Variants in EPHA6 observed in about 807,000 individuals in gnomAD.
EPHA6 encodes EPH receptor A6.
Under a neutral mutation model 112.0 loss-of-function variants are expected in EPHA6, and 50 were observed. That is an observed-to-expected ratio of 0.45 (90% confidence interval 0.36 to 0.56). EPHA6 has a LOEUF of 0.56. Ranked by LOEUF, EPHA6 falls within the 20% of genes least tolerant of loss-of-function variation. EPHA6 has a pLI of 0.00. For missense variants in EPHA6, 1,280 were observed against 1,417.4 expected (o/e 0.90, Z 1.56); for synonymous variants, 529 against 490.7 (o/e 1.08, Z -1.03).
At chr3:97,095,056 A>G (rs187170814) in intron 3 of EPHA6, among the ~76,000 whole-genome samples, 3 of 152,246 alleles carry the variant, frequency 2.0e-5, no homozygotes, top group African/African-American at 4.8e-5. Context: ...TAAAAATTGA[A>G]TAAGAGAAAA....
At chr3:97,680,755 C>A (rs2031798425) in intron 14 of EPHA6, among the ~76,000 whole-genome samples, 1 of 152,090 alleles carries the variant, frequency 6.6e-6, no homozygotes, top group Non-Finnish European at 1.5e-5. Flanking sequence ...GAATGAAGAA[C>A]AAATGAATGT....
chr3:97,045,278 C>T (rs2045465506), intron 3 of EPHA6, among the ~76,000 whole-genome samples: 1 of 151,796 alleles, frequency 6.6e-6, no homozygotes, highest in Non-Finnish European at 1.5e-5. Context: ...TATTTTGTAT[C>T]ATTATATAGT....
At chr3:97,013,877 TTTGGCA>T (rs2044174807) in intron 3 of EPHA6, among the ~76,000 whole-genome samples, 1 of 152,130 alleles carries the variant, frequency 6.6e-6, no homozygotes, top group South Asian at 2.1e-4. Flanking sequence ...TGTTTTTGTT[TTTGGCA>T]TGGGTCTTCA....
chr3:97,580,790 G>C (rs1348637358), intron 11 of EPHA6, among the ~76,000 whole-genome samples: 1 of 152,200 alleles, frequency 6.6e-6, no homozygotes, highest in African/African-American at 2.4e-5. Flanking sequence ...ATACGCCTCA[G>C]TGGCATCCAG....
intron 2 of EPHA6, among the ~76,000 whole-genome samples, chr3:96,925,176 G>A (rs2039969597): frequency 6.6e-6 from 1 of 152,102 alleles, no homozygotes; most frequent in Non-Finnish European, 1.5e-5. Context: ...GAGTCAGGGA[G>A]GAGTCCCTCC....
At chr3:97,312,472 G>T (rs928948835) in intron 5 of EPHA6, among the ~76,000 whole-genome samples, 2 of 151,446 alleles carry the variant, frequency 1.3e-5, no homozygotes, top group Admixed American at 1.3e-4. Context: ...CAAAGAAAAT[G>T]CACTGGAACA....
chr3:96,987,325 TGCAGTGGGA>T lies in EPHA6; in HGVS notation c.451-4_455del, dbSNP rs1576260065. On this transcript the variant is annotated splice_acceptor_variant and splice_polypyrimidine_tract_variant and coding_sequence_variant and intron_variant, in exon 3 of 18. Coordinates refer to ENST00000389672, the MANE Select transcript of EPHA6 (RefSeq NM_001080448.3). LOFTEE classifies it high-confidence loss of function. Reference sequence around the variant, plus strand: ...TCACTTAATTACTTTTTTCCCTTTTTGCAGTGGGATGCCATCACTGAAATGGATGAACAT... The same window carrying T: ...TCACTTAATTACTTTTTTCCCTTTTTTGCCATCACTGAAATGGATGAACAT... 6.3e-6 allele frequency: 10 copies of T among 1,580,490 alleles called. No individual in the cohort carries two copies. Among genetic ancestry groups the T allele is most frequent in the Middle Eastern group, 1.7e-4 (1 of 5,888 alleles).
chr3:97,391,834 T>G (rs1201792001), intron 5 of EPHA6, among the ~76,000 whole-genome samples: 1 of 151,934 alleles, frequency 6.6e-6, no homozygotes, highest in African/African-American at 2.4e-5. Context: ...ATGGGAACTC[T>G]CTTCTAAAAT....
intron 3 of EPHA6, among the ~76,000 whole-genome samples, chr3:97,079,367 A>G (rs1274367780): frequency 6.6e-6 from 1 of 152,106 alleles, no homozygotes; most frequent in Non-Finnish European, 1.5e-5. Flanking sequence ...CAAATACCAC[A>G]TGTTCTCTCT....
intron 3 of EPHA6, among the ~76,000 whole-genome samples, chr3:97,104,744 A>G (rs1163987052): frequency 6.6e-6 from 1 of 152,122 alleles, no homozygotes; most frequent in Non-Finnish European, 1.5e-5. Flanking sequence ...TACATCAGGT[A>G]GAATCCAGCT....
At chr3:97,145,970 C>A (rs893379169) in intron 3 of EPHA6, among the ~76,000 whole-genome samples, 4 of 151,076 alleles carry the variant, frequency 2.6e-5, no homozygotes, top group African/African-American at 9.7e-5. Context: ...TTAAATTGGT[C>A]CATTCTCATG....
chr3:96,847,458 C>G (rs2035136172), intron 1 of EPHA6, among the ~76,000 whole-genome samples: 1 of 151,896 alleles, frequency 6.6e-6, no homozygotes, highest in African/African-American at 2.4e-5. Context: ...ACATTCAAGC[C>G]ATATTTTAAT....
At chr3:97,601,340 C>T (rs2093641589) in intron 12 of EPHA6, among the ~76,000 whole-genome samples, 1 of 152,068 alleles carries the variant, frequency 6.6e-6, no homozygotes, top group Non-Finnish European at 1.5e-5. Context: ...AGGGAGGTTT[C>T]ACCTTAATTG....
At chr3:96,910,105 C>T (rs1408809643) in intron 2 of EPHA6, among the ~76,000 whole-genome samples, 1 of 151,972 alleles carries the variant, frequency 6.6e-6, no homozygotes, top group Non-Finnish European at 1.5e-5. Flanking sequence ...GTACATCGTT[C>T]ATAAATGTAC....
At chr3:97,035,503 T>C (rs1358774034) in intron 3 of EPHA6, among the ~76,000 whole-genome samples, 1 of 151,972 alleles carries the variant, frequency 6.6e-6, no homozygotes, top group African/African-American at 2.4e-5. Flanking sequence ...CTTCTAGTAT[T>C]GTAAGTATTG....
At chr3:97,056,616 A>G (rs2108105181) in intron 3 of EPHA6, among the ~76,000 whole-genome samples, 1 of 152,300 alleles carries the variant, frequency 6.6e-6, no homozygotes, top group East Asian at 1.9e-4. Context: ...GTGTCTTGGT[A>G]AAGGACGTAT....
intron 13 of EPHA6, among the ~76,000 whole-genome samples, chr3:97,628,009 A>T (rs1382957754): frequency 6.6e-6 from 1 of 151,964 alleles, no homozygotes; most frequent in Non-Finnish European, 1.5e-5. Flanking sequence ...TTCTCTGAGT[A>T]ATATGGGAAG....
At chr3:97,296,331 C>T (rs902591648) in intron 5 of EPHA6, among the ~76,000 whole-genome samples, 15 of 152,146 alleles carry the variant, frequency 9.9e-5, no homozygotes, top group African/African-American at 3.4e-4. Context: ...GGACACTAGA[C>T]AGTGTGCTCA....
At chr3:97,645,362 G>T (rs940615238) in intron 14 of EPHA6, among the ~76,000 whole-genome samples, 11 of 145,646 alleles carry the variant, frequency 7.6e-5, no homozygotes, top group Admixed American at 4.1e-4. Context: ...CATGTCCTTT[G>T]TAGGGACATG....
Sources: gnomAD v4.1 joint callset for allele counts (sites outside exome capture counted in the v4.1 genomes callset) on GRCh38, gnomAD v4.1.1 for gene constraint, MANE v1.5 for transcripts, NCBI Gene and HGNC (gene_info 2026-07-23, HGNC 2026-07-21) for gene names.